The following ANO3 variants were observed in gnomAD, a reference collection of about 807,000 sequenced individuals.
ANO3 encodes the protein anoctamin 3.
In ANO3, 99 loss-of-function variants were observed where a neutral mutation model predicts 144.8. The observed-to-expected ratio is 0.68, with a 90% CI of 0.58 to 0.81. The LOEUF (loss-of-function observed/expected upper bound fraction) is 0.81, where lower values mean the gene tolerates loss of function less well. ANO3 is among the 30% of genes least tolerant of loss of function. The pLI is 0.00. For missense variants in ANO3, 905 were observed against 1,202.2 expected (o/e 0.75, Z 3.66); for synonymous variants, 414 against 392.6 (o/e 1.05, Z -0.64).
chr11:26,229,621 T>A (rs1409653273), intron 1 of ANO3, among the ~76,000 whole-genome samples: 4 of 152,252 alleles, frequency 2.6e-5, no homozygotes, highest in African/African-American at 9.6e-5. Context: ...TATTTTTATA[T>A]GCTAATCAAC....
intron 4 of ANO3, among the ~76,000 whole-genome samples, chr11:26,495,073 A>ACATT (rs1248307314): frequency 2.3e-5 from 3 of 131,598 alleles, no homozygotes; most frequent in African/African-American, 8.7e-5. Flanking sequence ...ATAAATATCT[A>ACATT]CATTTATTTA....
Position 26,662,848 on chromosome 11 carries a change from T to A in ANO3, c.*2404T>A, listed in dbSNP as rs557961992. 2 of 152,590 alleles carry A rather than the reference T, an allele frequency of 1.3e-5. No homozygotes were observed. The highest frequency in any genetic ancestry group is 4.1e-4 in the South Asian group (2 of 4,830). The allele number at this position is 152,590 out of a possible 1,614,324, so 9.5% of individuals were successfully genotyped here. On this transcript the variant is annotated 3_prime_UTR_variant, in exon 27 of 27. Coordinates refer to ENST00000256737, the MANE Select transcript of ANO3 (RefSeq NM_031418.4). ...CCCCTTGCAGTGTGTTAGTTTTAGA[T>A]CACTCTGTTTTAGTTGAGAGAAATG...
intron 1 of ANO3, among the ~76,000 whole-genome samples, chr11:26,262,541 G>A (rs542749229): frequency 3.3e-5 from 5 of 152,126 alleles, no homozygotes; most frequent in Admixed American, 1.3e-4. Flanking sequence ...CACAGTACAC[G>A]AAATATAATA....
At chr11:26,457,235 AAAT>A (rs1405824436) in intron 3 of ANO3, among the ~76,000 whole-genome samples, 1 of 18,058 alleles carries the variant, frequency 5.5e-5, no homozygotes, top group Non-Finnish European at 2.0e-4. Context: ...TTAAAAAAAG[AAAT>A]AAAAAAAAAA....
intron 14 of ANO3, among the ~76,000 whole-genome samples, chr11:26,564,726 CACACACATATATATATAT>C (rs1265478610): frequency 9.1e-4 from 45 of 49,296 alleles, no homozygotes; most frequent in African/African-American, 2.0e-3. Context: ...CACACACACA[CACACACATATATATATAT>C]ATATATATAT....
intron 1 of ANO3, among the ~76,000 whole-genome samples, chr11:26,327,122 C>G (rs1351486114): frequency 6.6e-6 from 1 of 152,080 alleles, no homozygotes; most frequent in Non-Finnish European, 1.5e-5. Flanking sequence ...ATTACTTTCA[C>G]AAATAATAAA....
chr11:26,659,075 G>A (rs555240495), intron 26 of ANO3, among the ~76,000 whole-genome samples: 115 of 107,366 alleles, frequency 1.1e-3, no homozygotes, highest in Middle Eastern at 5.2e-3. Flanking sequence ...CAATCCTTGA[G>A]CCATACACAC....
At chr11:26,423,556 T>C (rs1446808326) in intron 1 of ANO3, among the ~76,000 whole-genome samples, 6 of 151,930 alleles carry the variant, frequency 3.9e-5, no homozygotes, top group Non-Finnish European at 8.8e-5. Context: ...ATCAATTTTT[T>C]TTAAAAAAAA....
intron 18 of ANO3, among the ~76,000 whole-genome samples, chr11:26,626,765 T>C (rs1852598863): frequency 6.7e-6 from 1 of 149,296 alleles, no homozygotes; most frequent in Non-Finnish European, 1.5e-5. Context: ...TTCGGATGTT[T>C]CTTATCATAT....
intron 1 of ANO3, among the ~76,000 whole-genome samples, chr11:26,363,034 T>C (rs1263470605): frequency 6.6e-6 from 1 of 152,342 alleles, no homozygotes; most frequent in East Asian, 1.9e-4. Flanking sequence ...GTTAAATGCA[T>C]GTACCAAGAA....
Position 26,599,004 on chromosome 11 carries a change from G to C in ANO3, c.1671+6G>C. 1 of 1,612,042 alleles carries C rather than the reference G, an allele frequency of 6.2e-7. No homozygotes were observed. The highest frequency in any genetic ancestry group is 8.5e-7 in the Non-Finnish European group (1 of 1,179,486). ...TCTCAGGAATATTCTTCATGGTAAA[G>C]TATAGGCATCGATATCAAAATGTTT... On this transcript the variant is annotated splice_donor_region_variant and intron_variant, in intron 16 of 26. Transcript: ENST00000256737.
chr11:26,559,863 C>CAG, intron 14 of ANO3, 84 bp downstream of exon 14: 1 of 911,518 alleles, frequency 1.1e-6, no homozygotes, highest in Non-Finnish European at 1.8e-6. Flanking sequence ...CACACACACA[C>CAG]ACACACACAC....
intron 24 of ANO3, among the ~76,000 whole-genome samples, chr11:26,649,055 C>T (rs889321198): frequency 4.6e-5 from 7 of 152,078 alleles, no homozygotes; most frequent in African/African-American, 1.7e-4. Context: ...TGAAGCCGGA[C>T]ATTTTAGGTT....
intron 1 of ANO3, among the ~76,000 whole-genome samples, chr11:26,388,667 T>G (rs1856797204): frequency 6.6e-6 from 1 of 152,162 alleles, no homozygotes; most frequent in Non-Finnish European, 1.5e-5. Context: ...ATGAATTGTT[T>G]AAAATTAAAC....
intron 18 of ANO3, among the ~76,000 whole-genome samples, chr11:26,630,594 T>A (rs1296709818): frequency 2.6e-5 from 4 of 152,228 alleles, no homozygotes; most frequent in Non-Finnish European, 5.9e-5. Flanking sequence ...ATTTAGATAA[T>A]TACATACTCT....
intron 23 of ANO3, among the ~76,000 whole-genome samples, chr11:26,645,356 TC>T (rs1351537407): frequency 1.3e-5 from 2 of 152,008 alleles, no homozygotes; most frequent in Non-Finnish European, 2.9e-5. Flanking sequence ...AATCCACTTT[TC>T]CCATTGAGCT....
intron 1 of ANO3, among the ~76,000 whole-genome samples, chr11:26,333,220 T>A (rs1375214041): frequency 6.6e-6 from 1 of 152,054 alleles, no homozygotes; most frequent in Non-Finnish European, 1.5e-5. Context: ...AATATTCTCA[T>A]CCCCACCCTC....
At chr11:26,446,528 A>G (rs1318635982) in intron 3 of ANO3, among the ~76,000 whole-genome samples, 1 of 152,222 alleles carries the variant, frequency 6.6e-6, no homozygotes, top group African/African-American at 2.4e-5. Flanking sequence ...GAAGGAAAAA[A>G]TATTAATGGC....
intron 1 of ANO3, among the ~76,000 whole-genome samples, chr11:26,267,184 G>GCACACA (rs373864169): frequency 2.0e-5 from 3 of 147,612 alleles, no homozygotes; most frequent in Non-Finnish European, 3.0e-5. Flanking sequence ...ACGCACGCAC[G>GCACACA]CACACACACA....
Sources: gnomAD v4.1 joint callset for allele counts (sites outside exome capture counted in the v4.1 genomes callset) on GRCh38, gnomAD v4.1.1 for gene constraint, MANE v1.5 for transcripts, NCBI Gene and HGNC (gene_info 2026-07-23, HGNC 2026-07-21) for gene names.